SLAIN2: variants seen among roughly 807,000 people sequenced by gnomAD.
SLAIN2 encodes SLAIN motif-containing protein 2.
SLAIN2 carries 31 observed loss-of-function variants against 56.6 expected under a neutral mutation model. The observed-to-expected ratio is 0.55, with a 90% CI of 0.41 to 0.74. The LOEUF is 0.74. SLAIN2 is among the 30% of genes least tolerant of loss of function. SLAIN2 has a pLI of 0.00. For synonymous variants in SLAIN2, 317 were observed against 284.9 expected (o/e 1.11, Z -1.13); for missense variants, 777 against 754.2 (o/e 1.03, Z -0.35).
chr4:48,405,223 A>T (rs1716662725), intron 6 of SLAIN2, among the ~76,000 whole-genome samples: 1 of 152,180 alleles, frequency 6.6e-6, no homozygotes, highest in Non-Finnish European at 1.5e-5. Flanking sequence ...GGCACCTCTG[A>T]CATCGTCCAC....
intron 6 of SLAIN2, among the ~76,000 whole-genome samples, chr4:48,407,914 A>G (rs1055285182): frequency 1.3e-5 from 2 of 152,142 alleles, no homozygotes; most frequent in Non-Finnish European, 2.9e-5. Context: ...AGATTTGCCT[A>G]TGTTGGACAT....
chr4:48,403,228 T>C (rs1450516574), intron 6 of SLAIN2, among the ~76,000 whole-genome samples: 2 of 152,210 alleles, frequency 1.3e-5, no homozygotes, highest in Admixed American at 6.5e-5. Context: ...GATGTCTGGC[T>C]GCCCTTTTGT....
In SLAIN2 at chr4:48,341,823, C is replaced by A. The variant is rs1203747586; in HGVS notation, c.84C>A (p.Asn28Lys). Residue 28 changes from asparagine (N) to lysine (K), a missense_variant, in exon 1 of 8, where the codon AAC becomes AAA. Physicochemically the swap from Asn to Lys is moderately conservative, Grantham distance 94 (BLOSUM62 0). Coordinates refer to ENST00000264313, the MANE Select transcript of SLAIN2 (RefSeq NM_020846.2). Reference protein sequence around the residue: ...QELVKKLEKQNEQLRSRSGAV... With the variant: ...QELVKKLEKQKEQLRSRSGAV... ...TGGTGAAGAAGCTGGAGAAGCAGAA[C>A]GAACAGCTGAGGAGCCGCTCGGGGG... 6.5e-7 allele frequency: 1 copy of A among 1,532,836 alleles called. No homozygotes were observed. The highest frequency in any genetic ancestry group is 8.8e-7 in the Non-Finnish European group (1 of 1,139,980). 95.0% of individuals were successfully genotyped at this position (1,532,836 alleles called of 1,614,324 possible). A position where few individuals can be genotyped will look rare whatever the true frequency, so the allele number is the denominator to read the frequency against.
chr4:48,402,712 C>G (rs1340117502), intron 6 of SLAIN2, among the ~76,000 whole-genome samples: 1 of 152,112 alleles, frequency 6.6e-6, no homozygotes, highest in Non-Finnish European at 1.5e-5. Context: ...AGTTCAGAAC[C>G]CTACTTCTGT....
chr4:48,367,518 A>G (rs1715550961), intron 1 of SLAIN2, among the ~76,000 whole-genome samples: 1 of 152,234 alleles, frequency 6.6e-6, no homozygotes, highest in Admixed American at 6.5e-5. Context: ...TTGGTGACAG[A>G]TTATTGATAA....
At chr4:48,391,151 ATTG>A (rs1426563170) in intron 6 of SLAIN2, among the ~76,000 whole-genome samples, 2 of 152,184 alleles carry the variant, frequency 1.3e-5, no homozygotes, top group African/African-American at 2.4e-5. Flanking sequence ...TCACTGTACC[ATTG>A]TTGTTTATTT....
intron 1 of SLAIN2, among the ~76,000 whole-genome samples, chr4:48,363,458 A>C (rs867618229): frequency 0.011 from 359 of 31,832 alleles, 8 homozygotes; most frequent in Admixed American, 0.042. Flanking sequence ...ACCCCCACCT[A>C]CCTCCCGGAC....
At chr4:48,405,076 AATG>A (rs1560463962) in intron 6 of SLAIN2, among the ~76,000 whole-genome samples, 1 of 152,260 alleles carries the variant, frequency 6.6e-6, no homozygotes, top group Non-Finnish European at 1.5e-5. Context: ...ATAAATTTAT[AATG>A]ATTTCTGGTT....
chr4:48,383,601 C>G (rs781453260), intron 5 of SLAIN2, 46 bp from the exon 6 acceptor site: 4 of 1,424,934 alleles, frequency 2.8e-6, no homozygotes, highest in Non-Finnish European at 2.8e-6. Flanking sequence ...TTAATTTTCT[C>G]CATCTGAAAG....
At position 48,383,695 on chromosome 4, in the gene SLAIN2, A is replaced by T. The variant is rs1377115199; in HGVS notation, c.1271A>T (p.Gln424Leu). The change falls in exon 6 of 8, where the codon CAA becomes CTA. Residue 424 changes from glutamine to leucine, a missense_variant. Transcript: ENST00000264313. ...LPNLSRTSNT[Q>L]VDSVKSSRSD... ...AACCTGTCCCGAACATCTAATACACAAGTTGACTCAGTGAAAAGCAGCAGA... is the reference window on the plus strand; with the variant it reads ...AACCTGTCCCGAACATCTAATACACTAGTTGACTCAGTGAAAAGCAGCAGA... 1 of 1,609,678 alleles carries T rather than the reference A, an allele frequency of 6.2e-7. No homozygotes were observed. The highest frequency in any genetic ancestry group is 1.3e-5 in the African/African-American group (1 of 74,896).
Position 48,420,420 on chromosome 4 carries a change from C to A in SLAIN2, c.1656C>A (p.Ser552Arg). Reference sequence around the variant, plus strand: ...CTGGGGGCATACCAGTGCCTCGCAGCAAACTTGCACAGCCTGTTCGCAGGT... The same window carrying A: ...CTGGGGGCATACCAGTGCCTCGCAGAAAACTTGCACAGCCTGTTCGCAGGT... Reference protein sequence around the residue: ...PSAGGIPVPRSKLAQPVRRSL... With the variant: ...PSAGGIPVPRRKLAQPVRRSL... Residue 552 changes from serine (S) to arginine (R), a missense_variant, in exon 7 of 8, where the codon AGC becomes AGA. By Grantham distance (110) the Ser-to-Arg change is moderately radical. Coordinates refer to ENST00000264313, the MANE Select transcript of SLAIN2 (RefSeq NM_020846.2). 6.2e-7 allele frequency: 1 copy of A among 1,613,956 alleles called. No homozygotes were observed. Among genetic ancestry groups the A allele is most frequent in the Non-Finnish European group, 8.5e-7 (1 of 1,179,848 alleles).
intron 1 of SLAIN2, among the ~76,000 whole-genome samples, chr4:48,353,770 A>G (rs1437162149): frequency 6.6e-6 from 1 of 151,978 alleles, no homozygotes; most frequent in Non-Finnish European, 1.5e-5. Context: ...GAAATATGAA[A>G]GTCTGCTAGG....
chr4:48,369,825 C>T lies in SLAIN2; in HGVS notation c.390-24C>T, dbSNP rs774519166. On this transcript the variant is annotated intron_variant, in intron 1 of 7. Transcript: ENST00000264313. ...AACCTTGTGCTTAATAAGGAATTTT[C>T]TGTTTTTTGTTGTCTTCTTCTAGGC... 8.8e-6 allele frequency: 14 copies of T among 1,599,282 alleles called. No individual in the cohort carries two copies. In the Admixed American group the frequency reaches 1.9e-4, roughly 22 times the overall value.
At chr4:48,348,689 C>CA (rs34880531) in intron 1 of SLAIN2, among the ~76,000 whole-genome samples, 25,152 of 98,244 alleles carry the variant, frequency 0.26, 2,717 homozygotes, top group Non-Finnish European at 0.31. Context: ...GACTCTGTCT[C>CA]AAAAAAAAAA....
At chr4:48,376,875 T>C (rs941027595) in intron 2 of SLAIN2, among the ~76,000 whole-genome samples, 1 of 149,432 alleles carries the variant, frequency 6.7e-6, no homozygotes, top group South Asian at 2.1e-4. Context: ...CCTCCCAAAG[T>C]GCTGGGATTA....
chr4:48,363,126 T>C (rs1401159352), intron 1 of SLAIN2, among the ~76,000 whole-genome samples: 2 of 42,288 alleles, frequency 4.7e-5, no homozygotes, highest in African/African-American at 1.5e-4. Flanking sequence ...TTTTTCTTAG[T>C]GCAGAATAAA....
chr4:48,397,559 C>A (rs1716432856), intron 6 of SLAIN2, among the ~76,000 whole-genome samples: 1 of 152,086 alleles, frequency 6.6e-6, no homozygotes, highest in Non-Finnish European at 1.5e-5. Flanking sequence ...AGGTTTGTTA[C>A]ATAGGTAAAT....
At chr4:48,357,038 A>T (rs868134853) in intron 1 of SLAIN2, among the ~76,000 whole-genome samples, 29 of 151,912 alleles carry the variant, frequency 1.9e-4, no homozygotes, top group Middle Eastern at 3.4e-3. Context: ...AAACTTTATT[A>T]ATGAGTTTGC....
intron 6 of SLAIN2, among the ~76,000 whole-genome samples, chr4:48,419,674 T>C (rs993836277): frequency 5.3e-5 from 8 of 152,220 alleles, no homozygotes; most frequent in Non-Finnish European, 8.8e-5. Context: ...GTCAGTAATA[T>C]GGGATTTGGA....
Sources: allele counts gnomAD v4.1 joint callset (sites outside exome capture counted in the v4.1 genomes callset), GRCh38; gene constraint gnomAD v4.1.1; transcripts MANE v1.5; gene names NCBI Gene and HGNC (gene_info 2026-07-23, HGNC 2026-07-21).